CEP85L: variants seen among roughly 807,000 people sequenced by gnomAD.
The protein encoded by CEP85L is centrosomal protein 85L.
CEP85L carries 60 observed loss-of-function variants against 100.3 expected under a neutral mutation model. That is an observed-to-expected ratio of 0.60 (90% CI 0.49 to 0.74). The LOEUF (loss-of-function observed/expected upper bound fraction) is 0.74, where lower values mean the gene tolerates loss of function less well. CEP85L is among the 30% of genes least tolerant of loss of function. The pLI, the probability that CEP85L is intolerant of heterozygous loss-of-function variation, is 0.00. For synonymous variants in CEP85L, 319 were observed against 322.7 expected, an observed-to-expected ratio of 0.99 and a Z score of 0.12; for missense variants, 973 against 936.2, an observed-to-expected ratio of 1.04 and a Z score of -0.51.
At chr6:118,501,785 G>A (rs1764606284) in intron 5 of CEP85L, 3 of 1,037,666 alleles carry the variant, frequency 2.9e-6, no homozygotes, top group East Asian at 2.5e-5. Context: ...ATCTCACAGA[G>A]TGGGGAGGAT....
chr6:118,523,232 G>T (rs1199439916), intron 4 of CEP85L, among the ~76,000 whole-genome samples: 3 of 152,090 alleles, frequency 2.0e-5, no homozygotes, highest in African/African-American at 7.2e-5. Flanking sequence ...TAACATGAAG[G>T]TTTACTGCTC....
chr6:118,591,617 C>G (rs750407117), intron 2 of CEP85L, among the ~76,000 whole-genome samples: 1 of 152,078 alleles, frequency 6.6e-6, no homozygotes, highest in African/African-American at 2.4e-5. Context: ...AGGGTGTACA[C>G]GAAGTAACAA....
chr6:118,613,219 A>T (rs1772772908), intron 2 of CEP85L, among the ~76,000 whole-genome samples: 1 of 151,988 alleles, frequency 6.6e-6, no homozygotes, highest in Admixed American at 6.6e-5. Flanking sequence ...CTCGAAAAAA[A>T]GAAAGAAAAA....
intron 2 of CEP85L, among the ~76,000 whole-genome samples, chr6:118,630,881 T>C (rs1269427861): frequency 1.3e-5 from 2 of 152,172 alleles, no homozygotes; most frequent in African/African-American, 2.4e-5. Flanking sequence ...ACAAACCCAC[T>C]GCACATGCAA....
intron 2 of CEP85L, among the ~76,000 whole-genome samples, chr6:118,619,278 CTGGCCACAGTACTCCTTACAAAA>C (rs1773282925): frequency 6.6e-6 from 1 of 152,194 alleles, no homozygotes; most frequent in South Asian, 2.1e-4. Flanking sequence ...GTACCAATGC[CTGGCCACAGTACTCCTTACAAAA>C]TGGAGAAACT....
At chr6:118,708,442 A>G (rs994419695) in intron 1 of CEP85L, among the ~76,000 whole-genome samples, 2 of 152,264 alleles carry the variant, frequency 1.3e-5, no homozygotes, top group African/African-American at 2.4e-5. Flanking sequence ...AAGATAACCC[A>G]TAAACTTTTC....
At chr6:118,702,198 AC>A (rs1167059298) in intron 1 of CEP85L, among the ~76,000 whole-genome samples, 1 of 151,764 alleles carries the variant, frequency 6.6e-6, no homozygotes, top group African/African-American at 2.4e-5. Context: ...CAAAATGACT[AC>A]CTGTTATTTA....
At chr6:118,465,641 A>C (rs748324311) in intron 12 of CEP85L, 73 bp from the exon 13 acceptor site, 608 of 1,427,742 alleles carry the variant, frequency 4.3e-4, no homozygotes, top group Non-Finnish European at 5.5e-4. Context: ...TTTCACCTTA[A>C]TCATCATGGA....
At chr6:118,554,202 C>A (rs180904306) in intron 3 of CEP85L, among the ~76,000 whole-genome samples, 83 of 152,156 alleles carry the variant, frequency 5.5e-4, no homozygotes, top group Middle Eastern at 3.4e-3. Flanking sequence ...GCAGGGAGAT[C>A]GCTAGAGCCT....
intron 8 of CEP85L, 39 bp downstream of exon 8, chr6:118,481,740 G>A (rs899896937): frequency 4.2e-6 from 5 of 1,178,544 alleles, no homozygotes; most frequent in Admixed American, 2.8e-5. Context: ...TGAAAAATAC[G>A]AATAAAATAA....
chr6:118,522,273 T>C (rs1776713705), intron 4 of CEP85L, among the ~76,000 whole-genome samples: 1 of 152,112 alleles, frequency 6.6e-6, no homozygotes, highest in African/African-American at 2.4e-5. Context: ...GGCAGGAGAA[T>C]CACTTGAACC....
intron 3 of CEP85L, among the ~76,000 whole-genome samples, chr6:118,550,724 TGACA>T (rs1273642138): frequency 6.6e-6 from 1 of 151,862 alleles, no homozygotes; most frequent in Admixed American, 6.6e-5. Context: ...ACCATGACAC[TGACA>T]AACAAAATTT....
intron 2 of CEP85L, 109 bp from the exon 3 acceptor site, chr6:118,566,425 CTT>C: frequency 6.9e-6 from 6 of 866,094 alleles, no homozygotes; most frequent in South Asian, 4.2e-5. Context: ...ATAGCACAAG[CTT>C]TTTTTTTTGA....
chr6:118,551,522 T>C (rs984127240), intron 3 of CEP85L, among the ~76,000 whole-genome samples: 37 of 151,938 alleles, frequency 2.4e-4, no homozygotes, highest in Admixed American at 1.2e-3. Context: ...TAAAGCATTG[T>C]TTCAATATTT....
Position 118,600,300 on chromosome 6 carries a change from G to GGGTGTGTGTGTGTGTGTGTGTGTGTGTGT in CEP85L, c.232+32152_232+32153insACACACACACACACACACACACACACACC, listed in dbSNP as rs1562297733. Among the ~76,000 whole-genome samples, 6 of 52,246 alleles carry GGGTGTGTGTGTGTGTGTGTGTGTGTGTGT rather than the reference G, an allele frequency of 1.1e-4. 1 individual carries two copies. Among genetic ancestry groups the GGGTGTGTGTGTGTGTGTGTGTGTGTGTGT allele is most frequent in the Non-Finnish European group, 2.0e-4 (5 of 24,780 alleles). The allele number at this position is 52,246 out of a possible 152,430, so 34.3% of individuals were successfully genotyped here. On this transcript the variant is annotated intron_variant, in intron 2 of 12. Coordinates refer to ENST00000368491, the MANE Select transcript of CEP85L (RefSeq NM_001042475.3). Reference sequence around the variant, plus strand: ...CTGCCTGTCCCTGAGCCTTCCTGGGGGTGTGTGTGTGTGTGTGTGTGTGTG... The same window carrying GGGTGTGTGTGTGTGTGTGTGTGTGTGTGT: ...CTGCCTGTCCCTGAGCCTTCCTGGGGGGTGTGTGTGTGTGTGTGTGTGTGTGTGTGTGTGTGTGTGTGTGTGTGTGTGTG...
At chr6:118,474,475 G>A (rs1773198722) in intron 10 of CEP85L, among the ~76,000 whole-genome samples, 1 of 152,126 alleles carries the variant, frequency 6.6e-6, no homozygotes, top group Non-Finnish European at 1.5e-5. Context: ...AGAGATGGGG[G>A]GCTCCCTTCT....
rs149675864 is a variant in CEP85L at position 118,594,224 on chromosome 6, T to A, written c.233-27908A>T. On this transcript the variant is annotated intron_variant, in intron 2 of 12. Transcript: ENST00000368491. ...ACAAATAAATAATCCAACAAGTCCT[T>A]ATCTTTATAAGGCTTTTGTTTTTAC... Among the ~76,000 whole-genome samples, 662 of 152,290 alleles carry A rather than the reference T, an allele frequency of 4.3e-3. 8 individuals carry two copies. Among genetic ancestry groups the A allele is most frequent in the African/African-American group, 0.015 (641 of 41,524 alleles).
At chr6:118,679,583 T>A (rs1776587452) in intron 1 of CEP85L, among the ~76,000 whole-genome samples, 1 of 152,216 alleles carries the variant, frequency 6.6e-6, no homozygotes, top group African/African-American at 2.4e-5. Flanking sequence ...AGTGTCCCAG[T>A]CTACTTATGC....
intron 2 of CEP85L, chr6:118,589,105 G>A (rs1026240770): frequency 9.0e-5 from 28 of 310,144 alleles, no homozygotes; most frequent in Non-Finnish European, 1.6e-4. Context: ...AGAGACCCAG[G>A]GATGATGCTC....
Sources: allele counts gnomAD v4.1 joint callset (sites outside exome capture counted in the v4.1 genomes callset), GRCh38; gene constraint gnomAD v4.1.1; transcripts MANE v1.5; gene names NCBI Gene and HGNC (gene_info 2026-07-23, HGNC 2026-07-21).